Variants in KIAA1549L observed in about 807,000 individuals in gnomAD.
KIAA1549L encodes KIAA1549 like.
In KIAA1549L, 88 loss-of-function variants were observed where a neutral mutation model predicts 160.7. The ratio of observed to expected loss-of-function variants is 0.55; its 90% CI spans 0.46 to 0.65. The LOEUF (loss-of-function observed/expected upper bound fraction) is 0.65. KIAA1549L is among the 30% of genes least tolerant of loss of function. The pLI is 0.00. For synonymous variants in KIAA1549L, 950 were observed against 976.7 expected (o/e 0.97, Z 0.51); for missense variants, 2,258 against 2,437.5 (o/e 0.93, Z 1.55).
chr11:33,456,046 C>T (rs1851814388), intron 1 of KIAA1549L, among the ~76,000 whole-genome samples: 1 of 152,198 alleles, frequency 6.6e-6, no homozygotes, highest in Non-Finnish European at 1.5e-5. Context: ...CAGTGAATTA[C>T]AGGGAAGATA....
intron 16 of KIAA1549L, among the ~76,000 whole-genome samples, chr11:33,643,056 G>A (rs552851787): frequency 6.6e-6 from 1 of 152,276 alleles, no homozygotes; most frequent in East Asian, 1.9e-4. Flanking sequence ...GTTTCTATCT[G>A]TAGCTATCGA....
intron 17 of KIAA1549L, among the ~76,000 whole-genome samples, chr11:33,650,590 C>T (rs979444871): frequency 6.6e-6 from 1 of 152,112 alleles, no homozygotes; most frequent in Non-Finnish European, 1.5e-5. Context: ...CACCTTTTCT[C>T]GGGTTGCCCG....
rs1259962213 is a variant in KIAA1549L, at chr11:33,670,819, A to C, written c.*2665A>C. The C allele has an allele frequency of 3.3e-5, 5 of 152,268 alleles. No individual in the cohort carries two copies. Among genetic ancestry groups the C allele is most frequent in the African/African-American group, 1.2e-4 (5 of 41,460 alleles). The allele number at this position is 152,268 out of a possible 1,614,324, so 9.4% of individuals were successfully genotyped here. On this transcript the variant is annotated 3_prime_UTR_variant, in exon 21 of 21. Transcript: ENST00000658780. ...CCCTCTAGATAGTCACAGAAGCCAC[A>C]AAAGGACCTTGGTTGACCTTGGAGG...
intron 17 of KIAA1549L, among the ~76,000 whole-genome samples, chr11:33,647,737 G>A (rs950361168): frequency 6.6e-6 from 1 of 152,026 alleles, no homozygotes; most frequent in Non-Finnish European, 1.5e-5. Flanking sequence ...CTTCCAACAG[G>A]TAAGAAGATG....
chr11:33,642,216 G>T (rs1851605458), intron 16 of KIAA1549L, among the ~76,000 whole-genome samples: 1 of 152,158 alleles, frequency 6.6e-6, no homozygotes, highest in Non-Finnish European at 1.5e-5. Flanking sequence ...TGAGGCTTAG[G>T]GGGTTCCTGC....
intron 1 of KIAA1549L, among the ~76,000 whole-genome samples, chr11:33,412,182 A>G (rs1383573879): frequency 2.6e-5 from 4 of 152,226 alleles, no homozygotes; most frequent in Non-Finnish European, 4.4e-5. Flanking sequence ...GTTATAGTCA[A>G]TAAAAACGGT....
At chr11:33,443,164 G>A (rs1028589952) in intron 1 of KIAA1549L, among the ~76,000 whole-genome samples, 10 of 151,864 alleles carry the variant, frequency 6.6e-5, no homozygotes, top group East Asian at 1.9e-4. Context: ...AGAGTGATTC[G>A]TTTACTCTTA....
chr11:33,434,038 A>G (rs1851305936), intron 1 of KIAA1549L, among the ~76,000 whole-genome samples: 1 of 152,012 alleles, frequency 6.6e-6, no homozygotes, highest in African/African-American at 2.4e-5. Context: ...CGTTCTGCAC[A>G]TGTATCCTGC....
chr11:33,403,277 ACACAGACACACACACACACACACG>A (rs1850549604), intron 1 of KIAA1549L: 2 of 143,140 alleles, frequency 1.4e-5, no homozygotes, highest in Non-Finnish European at 3.0e-5. Context: ...ACACACACAG[ACACAGACACACACACACACACACG>A]CATACACGGA....
chr11:33,393,527 C>T (rs1850311158), intron 1 of KIAA1549L, among the ~76,000 whole-genome samples: 1 of 152,212 alleles, frequency 6.6e-6, no homozygotes, highest in Non-Finnish European at 1.5e-5. Flanking sequence ...TAAGTGAGGA[C>T]ACACACGGTT....
At chr11:33,408,063 A>C (rs1460853157) in intron 1 of KIAA1549L, among the ~76,000 whole-genome samples, 2 of 152,188 alleles carry the variant, frequency 1.3e-5, no homozygotes, top group African/African-American at 2.4e-5. Context: ...TAAGATAATA[A>C]AAATTTTACC....
chr11:33,551,359 ATT>A, intron 5 of KIAA1549L, 100 bp downstream of exon 5: 7 of 991,232 alleles, frequency 7.1e-6, no homozygotes. Context: ...CTGCTGTGTC[ATT>A]TTTTAGTCCC....
At chr11:33,598,728 A>G (rs1850274903) in intron 12 of KIAA1549L, 92 bp from the exon 13 acceptor site, 1 of 1,429,642 alleles carries the variant, frequency 7.0e-7, no homozygotes, top group Non-Finnish European at 9.6e-7. Flanking sequence ...ATGAAAGGCT[A>G]CAGACATTAA....
At chr11:33,624,251 T>C (rs1310398734) in intron 16 of KIAA1549L, among the ~76,000 whole-genome samples, 2 of 152,198 alleles carry the variant, frequency 1.3e-5, no homozygotes, top group Non-Finnish European at 2.9e-5. Flanking sequence ...CTGTTCTCTT[T>C]AGCCAAGGGC....
chr11:33,552,391 C>T (rs1854493411), intron 6 of KIAA1549L, 150 bp downstream of exon 6: 2 of 857,140 alleles, frequency 2.3e-6, no homozygotes, highest in African/African-American at 3.4e-5. Context: ...TGGGGTATGG[C>T]CATGACAGGA....
intron 1 of KIAA1549L, among the ~76,000 whole-genome samples, chr11:33,495,286 C>T (rs1457120703): frequency 6.6e-6 from 1 of 151,378 alleles, no homozygotes; most frequent in African/African-American, 2.4e-5. Flanking sequence ...ATCCCCCCAC[C>T]CCACAACAGT....
chr11:33,644,529 A>G (rs1851666293), intron 16 of KIAA1549L, among the ~76,000 whole-genome samples: 1 of 152,256 alleles, frequency 6.6e-6, no homozygotes, highest in South Asian at 2.1e-4. Flanking sequence ...TGATGACAGC[A>G]ACTAGTATTG....
At chr11:33,410,234 G>A (rs1850760604) in intron 1 of KIAA1549L, among the ~76,000 whole-genome samples, 1 of 152,126 alleles carries the variant, frequency 6.6e-6, no homozygotes, top group Non-Finnish European at 1.5e-5. Context: ...ATTGCAAAAG[G>A]GTGGGTGCAA....
At chr11:33,560,415 A>G (rs553203521) in intron 7 of KIAA1549L, among the ~76,000 whole-genome samples, 1 of 152,318 alleles carries the variant, frequency 6.6e-6, no homozygotes, top group South Asian at 2.1e-4. Context: ...TTTTTCTCCC[A>G]CTTAGGCCAT....
Sources: allele counts gnomAD v4.1 joint callset (sites outside exome capture counted in the v4.1 genomes callset), GRCh38; gene constraint gnomAD v4.1.1; transcripts MANE v1.5; gene names NCBI Gene and HGNC (gene_info 2026-07-23, HGNC 2026-07-21).